Variants in SLC9C1 observed in about 807,000 individuals in gnomAD.
SLC9C1 encodes solute carrier family 9 member C1.
A neutral mutation model predicts 140.9 loss-of-function variants in SLC9C1; 97 were observed. The observed-to-expected ratio is 0.69, with a 90% confidence interval of 0.58 to 0.82. SLC9C1 has a LOEUF of 0.82. SLC9C1 is among the 40% of genes least tolerant of loss of function. The pLI is 0.00. For missense variants in SLC9C1, 1,340 were observed against 1,389.3 expected (o/e 0.96, Z 0.56); for synonymous variants, 440 against 442.6 (o/e 0.99, Z 0.07).
intron 20 of SLC9C1, chr3:112,185,823 C>T: frequency 6.3e-7 from 1 of 1,579,234 alleles, no homozygotes; most frequent in South Asian, 1.1e-5. Context: ...CAGGGGAGTG[C>T]CCTCCTCCTC....
intron 10 of SLC9C1, among the ~76,000 whole-genome samples, chr3:112,250,791 G>A (rs574865452): frequency 1.1e-4 from 17 of 152,242 alleles, no homozygotes; most frequent in South Asian, 6.2e-4. Context: ...ATATACTGCT[G>A]GTGGGAATGT....
At chr3:112,273,947 A>G (rs1419700550) in intron 6 of SLC9C1, among the ~76,000 whole-genome samples, 2 of 152,216 alleles carry the variant, frequency 1.3e-5, no homozygotes, top group Non-Finnish European at 2.9e-5. Context: ...ACCTTAGAAC[A>G]AAGAAGACAC....
intron 23 of SLC9C1, among the ~76,000 whole-genome samples, chr3:112,173,491 A>G (rs2077282759): frequency 6.6e-6 from 1 of 152,088 alleles, no homozygotes; most frequent in African/African-American, 2.4e-5. Context: ...GTCCATATGT[A>G]CTTGATGTTT....
At chr3:112,154,714 A>G (rs888401974) in intron 27 of SLC9C1, among the ~76,000 whole-genome samples, 1 of 152,184 alleles carries the variant, frequency 6.6e-6, no homozygotes, top group Admixed American at 6.6e-5. Flanking sequence ...GGTGTGCTAC[A>G]ACCGTAGCCA....
At chr3:112,183,349 C>CTTTTTTTTT (rs200437815) in intron 20 of SLC9C1, among the ~76,000 whole-genome samples, 1,443 of 94,880 alleles carry the variant, frequency 0.015, 207 homozygotes, top group East Asian at 0.028. Context: ...AGCACCTTTT[C>CTTTTTTTTT]TTTTTTTTTT....
intron 20 of SLC9C1, among the ~76,000 whole-genome samples, chr3:112,188,988 TGATG>T (rs1172843986): frequency 6.6e-6 from 1 of 152,250 alleles, no homozygotes; most frequent in Non-Finnish European, 1.5e-5. Flanking sequence ...TGACTAGTGA[TGATG>T]AGCATTTTTT....
At chr3:112,194,407 GC>G (rs2108008158) in intron 20 of SLC9C1, among the ~76,000 whole-genome samples, 1 of 152,238 alleles carries the variant, frequency 6.6e-6, no homozygotes, top group East Asian at 1.9e-4. Flanking sequence ...CCCTGCCTGT[GC>G]TTTAGTTTTC....
At chr3:112,222,223 G>A (rs996205900) in intron 13 of SLC9C1, among the ~76,000 whole-genome samples, 8 of 152,146 alleles carry the variant, frequency 5.3e-5, no homozygotes, top group Non-Finnish European at 1.0e-4. Context: ...TCTCGCGAAA[G>A]CTTAGCAACA....
chr3:112,225,917 G>A (rs1017795102), intron 13 of SLC9C1, among the ~76,000 whole-genome samples: 3 of 152,066 alleles, frequency 2.0e-5, no homozygotes, highest in Non-Finnish European at 4.4e-5. Context: ...GACACATAAG[G>A]CAAAAATTAT....
chr3:112,152,760 C>T (rs1015122241), intron 27 of SLC9C1, among the ~76,000 whole-genome samples: 5 of 152,080 alleles, frequency 3.3e-5, no homozygotes, highest in Non-Finnish European at 7.4e-5. Context: ...TGACTTTTAC[C>T]AAGCATACTG....
At chr3:112,220,488 G>C (rs2078510937) in intron 14 of SLC9C1, among the ~76,000 whole-genome samples, 1 of 152,140 alleles carries the variant, frequency 6.6e-6, no homozygotes, top group Admixed American at 6.5e-5. Flanking sequence ...AGGGAATTTT[G>C]GTGTCTTCAG....
intron 21 of SLC9C1, among the ~76,000 whole-genome samples, chr3:112,181,196 T>C (rs2077433402): frequency 6.6e-6 from 1 of 152,198 alleles, no homozygotes; most frequent in Non-Finnish European, 1.5e-5. Flanking sequence ...TTTGTGAATA[T>C]ATGCAATTTT....
rs1282681164 is a variant in SLC9C1, at chr3:112,221,053, A to G, written c.1670+75T>C. 25 of 1,242,746 alleles carry G rather than the reference A, an allele frequency of 2.0e-5. No homozygotes were observed. The Admixed American group carries it at 4.7e-4, about 23-fold the overall frequency. The allele number at this position is 1,242,746 out of a possible 1,614,324, so 77.0% of individuals were successfully genotyped here. On this transcript the variant is annotated intron_variant, in intron 14 of 28. Coordinates refer to ENST00000305815, the MANE Select transcript of SLC9C1 (RefSeq NM_183061.3). ...GAGGGAGCCAAGTTACCAGACAAAA[A>G]CAAGAAAACTCACTTGGGTAATTTC...
At chr3:112,278,220 C>A (rs1181381611) in intron 4 of SLC9C1, among the ~76,000 whole-genome samples, 1 of 152,110 alleles carries the variant, frequency 6.6e-6, no homozygotes, top group Non-Finnish European at 1.5e-5. Flanking sequence ...GAAACGTACA[C>A]CCTACTTATG....
chr3:112,292,636 C>T (rs962328698), intron 1 of SLC9C1, among the ~76,000 whole-genome samples: 22 of 152,130 alleles, frequency 1.4e-4, no homozygotes, highest in African/African-American at 3.6e-4. Context: ...CTCTGCCTCC[C>T]GGGTTCACAC....
intron 14 of SLC9C1, among the ~76,000 whole-genome samples, chr3:112,219,876 C>A (rs113589131): frequency 6.6e-6 from 1 of 152,102 alleles, no homozygotes; most frequent in Non-Finnish European, 1.5e-5. Context: ...CCACTATGCC[C>A]GGCCTGCTAT....
intron 16 of SLC9C1, among the ~76,000 whole-genome samples, chr3:112,206,218 C>T (rs2078043836): frequency 1.3e-5 from 2 of 150,986 alleles, no homozygotes; most frequent in Admixed American, 1.3e-4. Flanking sequence ...CAAAAGAAGA[C>T]ATTTATGCAG....
chr3:112,257,896 A>T (rs1476950322), intron 10 of SLC9C1, among the ~76,000 whole-genome samples: 1 of 152,228 alleles, frequency 6.6e-6, no homozygotes, highest in African/African-American at 2.4e-5. Context: ...ATGAGCAGAC[A>T]GTTTTCAAAA....
At chr3:112,207,228 T>C (rs2078079044) in intron 16 of SLC9C1, among the ~76,000 whole-genome samples, 1 of 152,228 alleles carries the variant, frequency 6.6e-6, no homozygotes, top group Non-Finnish European at 1.5e-5. Context: ...AAGATGATTG[T>C]AGATTTCAGC....
Sources: allele counts gnomAD v4.1 joint callset (sites outside exome capture counted in the v4.1 genomes callset), GRCh38; gene constraint gnomAD v4.1.1; transcripts MANE v1.5; gene names NCBI Gene and HGNC (gene_info 2026-07-23, HGNC 2026-07-21).